Variants in HIVEP3 observed in about 807,000 individuals in gnomAD.
The protein encoded by HIVEP3 is transcription factor HIVEP3.
A neutral mutation model predicts 152.8 loss-of-function variants in HIVEP3; 49 were observed. That is an observed-to-expected ratio of 0.32 (90% CI 0.26 to 0.41). The LOEUF is 0.41. Among genes scored for constraint, HIVEP3 ranks in the 10% least tolerant of loss-of-function variants. HIVEP3 has a pLI of 1.00. For missense variants in HIVEP3, 2,790 were observed against 3,103.3 expected (o/e 0.90, Z 2.40); for synonymous variants, 1,269 against 1,289.0 (o/e 0.98, Z 0.33).
rs563410376 is a variant in HIVEP3 at position 41,644,629 on chromosome 1, C to T, written c.-720-15682G>A. The stretch of plus-strand genomic sequence containing the variant: ...CCTTTTGATTACTGAAGGAATGTCT[C>T]CATTTGGTGGCAATCTTCATGCCCA... On this transcript the variant is annotated intron_variant, in intron 2 of 8. Coordinates refer to ENST00000372583, the MANE Select transcript of HIVEP3 (RefSeq NM_024503.5). Among the ~76,000 whole-genome samples, 28 of 151,220 alleles carry T rather than the reference C, an allele frequency of 1.9e-4. No homozygotes were observed. The South Asian group carries it at 5.8e-3, about 32-fold the overall frequency.
chr1:41,581,704 G>C lies in HIVEP3; in HGVS notation c.3094C>G (p.Pro1032Ala). 6.2e-7 allele frequency: 1 copy of C among 1,613,478 alleles called. No individual in the cohort carries two copies. Among genetic ancestry groups the C allele is most frequent in the East Asian group, 2.2e-5 (1 of 44,876 alleles). ...CTCTCTGGCGGGGCCACCCGCGCTG[G>C]TGGAGCCACTGGGGCTGGAGCAGAA... ...GPSAPAPVAPPARVAPPERRK... is the reference protein window; with the variant it reads ...GPSAPAPVAPAARVAPPERRK... Residue 1032 changes from proline (P) to alanine (A), a missense_variant, in exon 4 of 9, where the codon CCA becomes GCA. Coordinates refer to ENST00000372583, the MANE Select transcript of HIVEP3 (RefSeq NM_024503.5). This position sits in a 1 kb window ranked among gnomAD's most constrained non-coding sequence, Gnocchi z 4.5.
intron 1 of HIVEP3, among the ~76,000 whole-genome samples, chr1:42,035,243 G>T (rs960151226): frequency 6.6e-6 from 1 of 152,226 alleles, no homozygotes; most frequent in African/African-American, 2.4e-5. Context: ...ACGTAGAGAC[G>T]GAGAGACCCG....
chr1:41,898,567 T>G (rs1644571155), intron 1 of HIVEP3, among the ~76,000 whole-genome samples: 1 of 152,222 alleles, frequency 6.6e-6, no homozygotes, highest in Non-Finnish European at 1.5e-5. Context: ...CCTGCCCACA[T>G]GTAAACAGAT....
At chr1:41,988,964 G>T (rs1442713493) in intron 1 of HIVEP3, among the ~76,000 whole-genome samples, 2 of 152,130 alleles carry the variant, frequency 1.3e-5, no homozygotes, top group African/African-American at 4.8e-5. Flanking sequence ...AATAAGCCAG[G>T]CACAGAAGGG....
At chr1:41,661,387 CT>C (rs375921381) in intron 2 of HIVEP3, among the ~76,000 whole-genome samples, 1 of 152,246 alleles carries the variant, frequency 6.6e-6, no homozygotes, top group Non-Finnish European at 1.5e-5. Flanking sequence ...GCACCCTGCT[CT>C]GATTAAGGGG....
intron 1 of HIVEP3, among the ~76,000 whole-genome samples, chr1:41,737,004 G>T (rs552952320): frequency 2.0e-5 from 3 of 152,220 alleles, no homozygotes; most frequent in African/African-American, 7.2e-5. Context: ...TACTACTCCT[G>T]CCCCACCTCC....
At chr1:41,616,267 T>G (rs1644966775) in intron 3 of HIVEP3, among the ~76,000 whole-genome samples, 2 of 152,228 alleles carry the variant, frequency 1.3e-5, no homozygotes, top group African/African-American at 4.8e-5. Flanking sequence ...GCTCCACTGA[T>G]GAATGCCACA....
At chr1:41,938,409 C>A (rs532324469) in intron 1 of HIVEP3, among the ~76,000 whole-genome samples, 56 of 152,160 alleles carry the variant, frequency 3.7e-4, no homozygotes, top group Non-Finnish European at 7.1e-4. Flanking sequence ...TCAACATCTA[C>A]TGAATGCCAG....
In HIVEP3 at chr1:41,544,598, C is replaced by T. The variant is rs150317858; in HGVS notation, c.5208-19688G>A. On this transcript the variant is annotated intron_variant, in intron 5 of 8. Coordinates refer to ENST00000372583, the MANE Select transcript of HIVEP3 (RefSeq NM_024503.5). ...CCACCTCTACCACCATCACTACCAT[C>T]ACCACCACCATCACCGCCACCACTA... is the stretch of plus-strand genomic sequence containing the variant. Among the ~76,000 whole-genome samples the T allele has an allele frequency of 9.2e-3, 1,388 of 151,182 alleles. 23 individuals are homozygous for T. The highest frequency in any genetic ancestry group is 0.032 in the African/African-American group (1,319 of 40,892).
chr1:41,811,960 A>G (rs1650986870), intron 1 of HIVEP3, among the ~76,000 whole-genome samples: 2 of 152,144 alleles, frequency 1.3e-5, no homozygotes, highest in African/African-American at 2.4e-5. Context: ...CGAGTGCCCA[A>G]GTTACAAAGA....
intron 8 of HIVEP3, among the ~76,000 whole-genome samples, chr1:41,512,090 G>A (rs545536087): frequency 6.6e-6 from 1 of 152,066 alleles, no homozygotes; most frequent in South Asian, 2.1e-4. Context: ...TGGGGTGGGG[G>A]ATGGGGAATT....
At chr1:41,646,240 C>T (rs941890347) in intron 2 of HIVEP3, among the ~76,000 whole-genome samples, 19 of 152,176 alleles carry the variant, frequency 1.2e-4, no homozygotes, top group Non-Finnish European at 1.9e-4. Context: ...GTTTAACCTC[C>T]AGCCTATGGA....
At chr1:41,977,476 C>T (rs7545761) in intron 1 of HIVEP3, among the ~76,000 whole-genome samples, 1,645 of 152,244 alleles carry the variant, frequency 0.011, 32 homozygotes, top group African/African-American at 0.038. Context: ...TGCCAGCCGC[C>T]GGTGGAGGGA....
At chr1:41,538,093 G>A (rs921148428) in intron 5 of HIVEP3, among the ~76,000 whole-genome samples, 4 of 152,232 alleles carry the variant, frequency 2.6e-5, no homozygotes, top group African/African-American at 7.2e-5. Flanking sequence ...AAAGTGCTAC[G>A]GATGATGAGA....
chr1:41,904,692 A>G (rs1200837415), intron 1 of HIVEP3, among the ~76,000 whole-genome samples: 1 of 152,204 alleles, frequency 6.6e-6, no homozygotes, highest in Non-Finnish European at 1.5e-5. Context: ...ATCAAAGATC[A>G]ATTGTGCATT....
At chr1:41,710,731 A>T (rs1450448462) in intron 1 of HIVEP3, among the ~76,000 whole-genome samples, 6 of 152,180 alleles carry the variant, frequency 3.9e-5, no homozygotes, top group East Asian at 1.9e-4. Context: ...ATTCCTGGGC[A>T]CTGGTGCTGT....
At chr1:41,861,905 G>A (rs1383743853) in intron 1 of HIVEP3, among the ~76,000 whole-genome samples, 1 of 152,184 alleles carries the variant, frequency 6.6e-6, no homozygotes, top group African/African-American at 2.4e-5. Flanking sequence ...GACCAGGCTG[G>A]CCACGGTGTT....
intron 1 of HIVEP3, among the ~76,000 whole-genome samples, chr1:41,956,544 C>T (rs1645141492): frequency 6.6e-6 from 1 of 152,230 alleles, no homozygotes; most frequent in Non-Finnish European, 1.5e-5. Flanking sequence ...AGTACAACTT[C>T]ATCCCAAATA....
At chr1:41,603,549 G>A (rs751400033) in intron 3 of HIVEP3, among the ~76,000 whole-genome samples, 2 of 151,708 alleles carry the variant, frequency 1.3e-5, no homozygotes, top group East Asian at 1.9e-4. Context: ...TAGTGGAAAC[G>A]GGGTTTCACC....
Sources: allele counts gnomAD v4.1 joint callset (sites outside exome capture counted in the v4.1 genomes callset), GRCh38; gene constraint gnomAD v4.1.1; non-coding constraint Gnocchi (gnomAD v3.1); transcripts MANE v1.5; gene names NCBI Gene and HGNC (gene_info 2026-07-23, HGNC 2026-07-21).